The following LGMN variants were observed in gnomAD, a reference collection of about 807,000 sequenced individuals.
LGMN encodes the protein legumain, also known as asparaginyl endopeptidase.
LGMN carries 36 observed loss-of-function variants against 56.8 expected under a neutral mutation model. That is an observed-to-expected ratio of 0.63 (90% CI 0.49 to 0.84). The LOEUF is 0.84. Ranked by LOEUF, LGMN falls within the 40% of genes least tolerant of loss-of-function variation. The probability of loss-of-function intolerance (pLI) is 0.00; values close to 1 mark genes in which losing one functional copy is unlikely to be tolerated. For synonymous variants in LGMN, 199 were observed against 210.1 expected (o/e 0.95, Z 0.46); for missense variants, 446 against 556.1 (o/e 0.80, Z 1.99).
chr14:92,710,186 G>T (rs1018413880), intron 10 of LGMN, among the ~76,000 whole-genome samples: 1 of 152,254 alleles, frequency 6.6e-6, no homozygotes, highest in African/African-American at 2.4e-5. Flanking sequence ...TCACCAGACA[G>T]CTCTGGTCCA....
intron 2 of LGMN, among the ~76,000 whole-genome samples, chr14:92,720,937 CG>C: frequency 6.6e-6 from 1 of 151,862 alleles, no homozygotes; most frequent in South Asian, 2.1e-4. Context: ...GTCTCCCAGG[CG>C]GGAGTGCACA....
intron 2 of LGMN, among the ~76,000 whole-genome samples, chr14:92,730,884 C>A (rs1891016240): frequency 6.6e-6 from 1 of 151,122 alleles, no homozygotes; most frequent in South Asian, 2.1e-4. Flanking sequence ...GAGCCGAGAT[C>A]GCGCCACTGC....
Position 92,728,136 on chromosome 14 carries a change from G to A in LGMN, c.138+4513C>T, listed in dbSNP as rs182784221. On this transcript the variant is annotated intron_variant, in intron 2 of 13. Transcript: ENST00000334869. Reference sequence around the variant, plus strand: ...ACAACCCTAGATGGTCTAGCCCAGCGGTCCACGACCTTTTTGGCACCAGGG... The same window carrying A: ...ACAACCCTAGATGGTCTAGCCCAGCAGTCCACGACCTTTTTGGCACCAGGG... 3.5e-4 allele frequency among the ~76,000 whole-genome samples: 53 copies of A among 152,266 alleles called. 1 individual carries two copies. In the South Asian group the frequency reaches 9.3e-3, roughly 27 times the overall value.
At chr14:92,736,886 G>C (rs986077172) in intron 1 of LGMN, among the ~76,000 whole-genome samples, 3 of 152,172 alleles carry the variant, frequency 2.0e-5, no homozygotes, top group Non-Finnish European at 4.4e-5. Flanking sequence ...AACTTGTGAA[G>C]AAGCAACAGT....
At chr14:92,721,835 C>A (rs564570174) in intron 2 of LGMN, among the ~76,000 whole-genome samples, 26 of 152,258 alleles carry the variant, frequency 1.7e-4, no homozygotes, top group South Asian at 6.2e-4. Flanking sequence ...GTGATGGGTA[C>A]CCAAGAAGTG....
chr14:92,729,466 C>CA (rs1890920590), intron 2 of LGMN, among the ~76,000 whole-genome samples: 1 of 51,572 alleles, frequency 1.9e-5, no homozygotes, highest in Non-Finnish European at 4.5e-5. Flanking sequence ...CCTCAGATCA[C>CA]GCCCCCCCCC....
intron 1 of LGMN, among the ~76,000 whole-genome samples, chr14:92,747,053 A>T (rs932386067): frequency 1.3e-5 from 2 of 151,362 alleles, no homozygotes; most frequent in Admixed American, 1.3e-4. Context: ...AAAAAAAAAA[A>T]AAATCTACCA....
chr14:92,711,587 A>T lies in LGMN; in HGVS notation c.819+72T>A, dbSNP rs1374109766. 3.8e-6 allele frequency: 5 copies of T among 1,319,516 alleles called. No individual in the cohort carries two copies. The African/African-American group carries it at 7.3e-5, about 19-fold the overall frequency. 81.7% of individuals were successfully genotyped at this position (1,319,516 alleles called of 1,614,324 possible). ...TCAGATCCCATGTCTCTTTAGCAAG[A>T]GATCAATATTCCAGGCAAGTCCACC... On this transcript the variant is annotated intron_variant, in intron 10 of 13. Coordinates refer to ENST00000334869, the MANE Select transcript of LGMN (RefSeq NM_005606.7).
intron 8 of LGMN, 67 bp from the exon 9 acceptor site, chr14:92,712,022 G>C: frequency 8.1e-7 from 1 of 1,240,178 alleles, no homozygotes; most frequent in Non-Finnish European, 1.2e-6. Flanking sequence ...CTTGAAGCTT[G>C]AGTCCTTCTT....
At chr14:92,744,404 C>G (rs1210249845) in intron 1 of LGMN, among the ~76,000 whole-genome samples, 2 of 152,142 alleles carry the variant, frequency 1.3e-5, no homozygotes, top group Non-Finnish European at 2.9e-5. Flanking sequence ...TGACTTCCTT[C>G]CCCCTCTGTA....
At chr14:92,706,892 C>CA (rs1184527538) in intron 11 of LGMN, among the ~76,000 whole-genome samples, 1 of 152,090 alleles carries the variant, frequency 6.6e-6, no homozygotes, top group Non-Finnish European at 1.5e-5. Flanking sequence ...ACATTTGTAT[C>CA]AAAAAACAAC....
chr14:92,732,518 C>T, intron 2 of LGMN, 131 bp downstream of exon 2: 1 of 974,972 alleles, frequency 1.0e-6, no homozygotes, highest in Non-Finnish European at 1.5e-6. Flanking sequence ...CGCTAACACA[C>T]CTATGTTACA....
chr14:92,729,823 T>C (rs1890956979), intron 2 of LGMN, among the ~76,000 whole-genome samples: 1 of 152,220 alleles, frequency 6.6e-6, no homozygotes, highest in Admixed American at 6.5e-5. Context: ...CAGGGAGGGC[T>C]GAGGCAGGGG....
At chr14:92,713,938 G>C (rs1889930579) in intron 6 of LGMN, 53 bp from the exon 7 acceptor site, 5 of 1,334,922 alleles carry the variant, frequency 3.7e-6, no homozygotes, top group Non-Finnish European at 5.4e-6. Flanking sequence ...CTATTTGCTG[G>C]ATAAGCCACT....
chr14:92,711,698 C>A lies in LGMN; in HGVS notation c.780G>T (p.Ser260=), dbSNP rs748050596. 6.2e-7 allele frequency: 1 copy of A among 1,614,074 alleles called. No individual in the cohort carries two copies. The highest frequency in any genetic ancestry group is 1.3e-5 in the African/African-American group (1 of 74,922). ...GCATGACGTGGCTGGTGTTGGTGTGCGATTTTACCAGGTGGTACTGCTTGT... is the reference window on the plus strand; with the variant it reads ...GCATGACGTGGCTGGTGTTGGTGTGAGATTTTACCAGGTGGTACTGCTTGT... ...TLHKQYHLVK[S]HTNTSHVMQY... The change falls in exon 10 of 14, where the codon TCG becomes TCT. Residue 260 remains serine, a synonymous_variant. Coordinates refer to ENST00000334869, the MANE Select transcript of LGMN (RefSeq NM_005606.7).
chr14:92,744,084 GA>G (rs1891706310), intron 1 of LGMN, among the ~76,000 whole-genome samples: 1 of 151,928 alleles, frequency 6.6e-6, no homozygotes, highest in African/African-American at 2.4e-5. Context: ...AACCCGGGAG[GA>G]AGAGGTTGCA....
intron 2 of LGMN, among the ~76,000 whole-genome samples, chr14:92,727,732 A>G (rs910870605): frequency 6.6e-5 from 10 of 151,982 alleles, no homozygotes; most frequent in African/African-American, 2.4e-4. Context: ...GACCTCATCT[A>G]CTTCTGGACC....
intron 2 of LGMN, among the ~76,000 whole-genome samples, chr14:92,731,203 C>T (rs953017150): frequency 4.6e-5 from 7 of 152,126 alleles, no homozygotes; most frequent in African/African-American, 7.2e-5. Context: ...CTGTGTAAAG[C>T]GCTCTTAGAA....
intron 2 of LGMN, among the ~76,000 whole-genome samples, chr14:92,729,467 G>GCCTCCCCCC (rs1890921334): frequency 7.9e-5 from 2 of 25,396 alleles, no homozygotes; most frequent in African/African-American, 3.9e-4. Flanking sequence ...CTCAGATCAC[G>GCCTCCCCCC]CCCCCCCCCC....
Sources: allele counts gnomAD v4.1 joint callset (sites outside exome capture counted in the v4.1 genomes callset), GRCh38; gene constraint gnomAD v4.1.1; transcripts MANE v1.5; gene names NCBI Gene and HGNC (gene_info 2026-07-23, HGNC 2026-07-21).